Variants in ZKSCAN1 observed in about 807,000 individuals in gnomAD.
ZKSCAN1 encodes the protein zinc finger protein with KRAB and SCAN domains 1.
ZKSCAN1 carries 14 observed loss-of-function variants against 51.6 expected under a neutral mutation model. The ratio of observed to expected loss-of-function variants is 0.27; its 90% CI spans 0.18 to 0.42. The LOEUF (loss-of-function observed/expected upper bound fraction) is 0.42, where lower values mean the gene tolerates loss of function less well. Among genes scored for constraint, ZKSCAN1 ranks in the 10% least tolerant of loss-of-function variants. ZKSCAN1 has a pLI of 1.00. For synonymous variants in ZKSCAN1, 263 were observed against 261.5 expected (o/e 1.01, Z -0.06); for missense variants, 531 against 710.0 (o/e 0.75, Z 2.86).
intron 3 of ZKSCAN1, among the ~76,000 whole-genome samples, chr7:100,027,699 G>C (rs1402091580): frequency 6.8e-6 from 1 of 146,040 alleles, no homozygotes; most frequent in African/African-American, 2.5e-5. Context: ...AGTGAGCCGA[G>C]ATTGCGCCAC....
chr7:100,032,542 T>C (rs1791153604), intron 5 of ZKSCAN1, among the ~76,000 whole-genome samples: 1 of 152,208 alleles, frequency 6.6e-6, no homozygotes, highest in African/African-American at 2.4e-5. Flanking sequence ...CCCCTTGTTT[T>C]TCTCCTATTT....
Position 100,034,363 on chromosome 7 carries a change from A to G in ZKSCAN1, c.*166A>G. The G allele has an allele frequency of 1.5e-6, 2 of 1,376,096 alleles. No homozygotes were observed. The highest frequency in any genetic ancestry group is 1.9e-6 in the Non-Finnish European group (2 of 1,073,088). The allele number at this position is 1,376,096 out of a possible 1,614,324, so 85.2% of individuals were successfully genotyped here. ...CAGCAGTGTTCTGCCTTTATGTAGTAGTTGGGCATATAATCCTTCCACACA... is the reference window on the plus strand; with the variant it reads ...CAGCAGTGTTCTGCCTTTATGTAGTGGTTGGGCATATAATCCTTCCACACA... On this transcript the variant is annotated 3_prime_UTR_variant, in exon 6 of 6. Coordinates refer to ENST00000324306, the MANE Select transcript of ZKSCAN1 (RefSeq NM_003439.4).
chr7:100,042,535 T>TCCA (rs1356368470), downstream of ZKSCAN1, among the ~76,000 whole-genome samples: 1 of 152,048 alleles, frequency 6.6e-6, no homozygotes, highest in East Asian at 1.9e-4. Context: ...GGTTGTGGGC[T>TCCA]CAGTCCCTCA....
Position 100,030,395 on chromosome 7 carries a change from A to G in ZKSCAN1, c.799+20A>G. ...CCCAGGGTAAGACGGATGCAGGCTT[A>G]CTGTCTGATAAGATGGTTTTGTCTC... On this transcript the variant is annotated intron_variant, in intron 5 of 5. Transcript: ENST00000324306. 2 of 1,607,426 alleles carry G rather than the reference A, an allele frequency of 1.2e-6. No individual in the cohort carries two copies. Among genetic ancestry groups the G allele is most frequent in the East Asian group, 4.5e-5 (2 of 44,758 alleles).
rs1292329595 is a variant in ZKSCAN1, at chr7:100,029,894, A to G, written c.614A>G (p.His205Arg). 1.9e-6 allele frequency: 3 copies of G among 1,614,044 alleles called. No individual in the cohort carries two copies. The highest frequency in any genetic ancestry group is 1.7e-6 in the Non-Finnish European group (2 of 1,179,992). ...GCTGCCCACATTCCTGCACCCCCTC[A>G]TGAGGGTAGTCCCAGAGACCAGGCG... Reference protein sequence around the residue: ...LPAAHIPAPPHEGSPRDQAMA... With the variant: ...LPAAHIPAPPREGSPRDQAMA... Residue 205 changes from histidine (H) to arginine (R), a missense_variant, in exon 4 of 6, where the codon CAT (histidine) becomes CGT (arginine). By Grantham distance (29) the His-to-Arg change is conservative. This residue lies in a region of ZKSCAN1 where 403 missense variants were observed against 490.5 expected (regional missense o/e 0.82). Transcript: ENST00000324306.
intron 3 of ZKSCAN1, among the ~76,000 whole-genome samples, chr7:100,026,934 T>C (rs1423424498): frequency 6.6e-6 from 1 of 151,972 alleles, no homozygotes; most frequent in Admixed American, 6.6e-5. Context: ...TTTATACTTT[T>C]TAAGCTTTTT....
chr7:100,016,639 T>C (rs1242282445), intron 1 of ZKSCAN1, among the ~76,000 whole-genome samples: 1 of 152,192 alleles, frequency 6.6e-6, no homozygotes, highest in African/African-American at 2.4e-5. Context: ...CAGTTTAGCT[T>C]GACACTCCTC....
Position 100,036,380 on chromosome 7 carries a change from G to A in ZKSCAN1, c.*2183G>A, listed in dbSNP as rs887191807. ...AAGAATAAGCCACAGCAATGGTTTT[G>A]TAGAAAACTCCTGTGCTTTTGAGCA... On this transcript the variant is annotated 3_prime_UTR_variant, in exon 6 of 6. Transcript: ENST00000324306. 3.7e-5 allele frequency: 36 copies of A among 985,286 alleles called. No individual in the cohort carries two copies. Among genetic ancestry groups the A allele is most frequent in the Non-Finnish European group, 4.3e-5 (36 of 829,926 alleles). The allele number at this position is 985,286 out of a possible 1,614,324, so 61.0% of individuals were successfully genotyped here.
rs565870880 is a variant in ZKSCAN1, at chr7:100,032,731, A to G, written c.800-574A>G. ...TACAAAAGTTACCCGGGCGTAGGCC[A>G]GGCGTGGTGGCTCACGCCTGTAATC... On this transcript the variant is annotated intron_variant, in intron 5 of 5. Transcript: ENST00000324306. Among the ~76,000 whole-genome samples, 6 of 151,364 alleles carry G rather than the reference A, an allele frequency of 4.0e-5. No homozygotes were observed. The South Asian group carries it at 1.3e-3, about 32-fold the overall frequency.
rs953738503 is a variant in ZKSCAN1, at chr7:100,033,904, G to A, written c.1399G>A (p.Gly467Arg). The change falls in exon 6 of 6, where the codon GGG (glycine) becomes AGG (arginine). Residue 467 changes from glycine (G) to arginine (R), a missense_variant. Transcript: ENST00000324306. The surrounding 1 kb of genome is among the most constrained non-coding windows in gnomAD (Gnocchi z 4.1). ...GEKPYECNEC[G>R]KAFSQSSDLT... ...GAAACCTTATGAATGTAATGAGTGC[G>A]GGAAGGCCTTCAGCCAGAGCTCGGA... is the stretch of plus-strand genomic sequence containing the variant. 5 of 1,614,124 alleles carry A rather than the reference G, an allele frequency of 3.1e-6. No individual in the cohort carries two copies. Among genetic ancestry groups the A allele is most frequent in the Non-Finnish European group, 3.4e-6 (4 of 1,180,036 alleles).
At position 100,036,064 on chromosome 7, in the gene ZKSCAN1, C is replaced by T. The variant is rs538774602; in HGVS notation, c.*1867C>T. ...TATTACTCATCAGTCATTCACTGAT[C>T]AGCAGCTAAAGTCCATGAGACCAAA... On this transcript the variant is annotated 3_prime_UTR_variant, in exon 6 of 6. Transcript: ENST00000324306. The T allele has an allele frequency of 3.0e-6, 3 of 985,336 alleles. No individual in the cohort carries two copies. In the African/African-American group the frequency reaches 5.2e-5, roughly 17 times the overall value. The allele number at this position is 985,336 out of a possible 1,614,324, so 61.0% of individuals were successfully genotyped here.
rs1422905882 is a variant in ZKSCAN1, at chr7:100,037,680, C to G, written c.*3483C>G. The G allele has an allele frequency of 1.0e-6, 1 of 985,300 alleles. No individual in the cohort carries two copies. The highest frequency in any genetic ancestry group is 1.2e-6 in the Non-Finnish European group (1 of 829,946). The allele number at this position is 985,300 out of a possible 1,614,324, so 61.0% of individuals were successfully genotyped here. A position where few individuals can be genotyped will look rare whatever the true frequency, so the allele number is the denominator to read the frequency against. The stretch of plus-strand genomic sequence containing the variant: ...GCTTCAGACAGAAAATGAATTCCGT[C>G]GGTATGTTCCAATCGTGATGAATTT... On this transcript the variant is annotated 3_prime_UTR_variant, in exon 6 of 6. Transcript: ENST00000324306.
rs1211963855 is a variant in ZKSCAN1, at chr7:100,023,573, A to T, written c.67A>T (p.Ile23Phe). 2 of 1,613,728 alleles carry T rather than the reference A, an allele frequency of 1.2e-6. No homozygotes were observed. Among genetic ancestry groups the T allele is most frequent in the Non-Finnish European group, 1.7e-6 (2 of 1,180,034 alleles). Residue 23 changes from isoleucine to phenylalanine, a missense_variant, in exon 2 of 6, where the codon ATC becomes TTC. Physicochemically the swap from Ile to Phe is conservative, Grantham distance 21. Coordinates refer to ENST00000324306, the MANE Select transcript of ZKSCAN1 (RefSeq NM_003439.4). ...SPQAAQEKDG[I>F]VIVKVEEEDE... ...ACAGGCTGCACAGGAGAAGGATGGT[A>T]TCGTAATAGTGAAGGTGGAAGAGGA...
chr7:100,019,790 C>T (rs1170425828), intron 1 of ZKSCAN1, among the ~76,000 whole-genome samples: 1 of 152,106 alleles, frequency 6.6e-6, no homozygotes, highest in East Asian at 1.9e-4. Context: ...CAGCCTCCGC[C>T]TCCCAGGTTG....
At chr7:100,024,944 A>G (rs547083734) in intron 3 of ZKSCAN1, 1 of 151,538 alleles carries the variant, frequency 6.6e-6, no homozygotes, top group Admixed American at 6.6e-5. Flanking sequence ...TTTAAAAAAA[A>G]ATGAAAAAAA....
chr7:100,018,899 C>T (rs565168570), intron 1 of ZKSCAN1, among the ~76,000 whole-genome samples: 2 of 152,270 alleles, frequency 1.3e-5, no homozygotes, highest in Non-Finnish European at 2.9e-5. Context: ...GGAATGTGCC[C>T]ATGTCTGTGT....
chr7:100,018,384 A>G (rs1790461000), intron 1 of ZKSCAN1, among the ~76,000 whole-genome samples: 1 of 152,120 alleles, frequency 6.6e-6, no homozygotes, highest in Non-Finnish European at 1.5e-5. Context: ...GAAAAATTAC[A>G]GAGAAAGAAA....
chr7:100,040,126 A>G lies in ZKSCAN1; in HGVS notation c.*5929A>G, dbSNP rs1483080640. On this transcript the variant is annotated 3_prime_UTR_variant, in exon 6 of 6. Coordinates refer to ENST00000324306, the MANE Select transcript of ZKSCAN1 (RefSeq NM_003439.4). Reference sequence around the variant, plus strand: ...ACTTGAAGTTATAGGGAGGTAAGCCATCTCCAACTCTGCAGGTCAAACGAA... The same window carrying G: ...ACTTGAAGTTATAGGGAGGTAAGCCGTCTCCAACTCTGCAGGTCAAACGAA... 46 of 975,084 alleles carry G rather than the reference A, an allele frequency of 4.7e-5. No individual in the cohort carries two copies. The highest frequency in any genetic ancestry group is 5.6e-5 in the Non-Finnish European group (46 of 820,592). The allele number at this position is 975,084 out of a possible 1,614,324, so 60.4% of individuals were successfully genotyped here. A position where few individuals can be genotyped will look rare whatever the true frequency, so the allele number is the denominator to read the frequency against.
downstream of ZKSCAN1, among the ~76,000 whole-genome samples, chr7:100,044,309 C>T (rs1195047960): frequency 1.3e-5 from 2 of 152,128 alleles, no homozygotes; most frequent in African/African-American, 2.4e-5. Context: ...CTGCAAGACC[C>T]CACTGCAGTG....
Sources: allele counts gnomAD v4.1 joint callset (sites outside exome capture counted in the v4.1 genomes callset), GRCh38; gene constraint gnomAD v4.1.1; regional missense constraint gnomAD v4.1.1; non-coding constraint Gnocchi (gnomAD v3.1); transcripts MANE v1.5; gene names NCBI Gene and HGNC (gene_info 2026-07-23, HGNC 2026-07-21).